RAB28: variants seen among roughly 807,000 people sequenced by gnomAD.
The protein encoded by RAB28 is RAB28, member RAS oncogene family.
Under a neutral mutation model 31.7 loss-of-function variants are expected in RAB28, and 24 were observed. The ratio of observed to expected loss-of-function variants is 0.76; its 90% CI spans 0.55 to 1.06. The LOEUF is 1.06. RAB28 is among the 50% of genes least tolerant of loss of function. The pLI, the probability that RAB28 is intolerant of heterozygous loss-of-function variation, is 0.00. For missense variants in RAB28, 254 were observed against 258.5 expected (o/e 0.98, Z 0.12); for synonymous variants, 100 against 90.4 (o/e 1.11, Z -0.60).
chr4:13,470,893 C>T (rs61798411), intron 3 of RAB28, among the ~76,000 whole-genome samples: 164 of 152,182 alleles, frequency 1.1e-3, no homozygotes, highest in Non-Finnish European at 2.2e-3. Flanking sequence ...CTATTGCTAA[C>T]ATTTAATGTT....
At chr4:13,372,408 C>T (rs941245976) in intron 6 of RAB28, among the ~76,000 whole-genome samples, 3 of 152,004 alleles carry the variant, frequency 2.0e-5, no homozygotes, top group African/African-American at 7.2e-5. Context: ...AAACATTGGG[C>T]AAGTTATTTC....
chr4:13,409,416 G>T (rs1256602139), intron 4 of RAB28, among the ~76,000 whole-genome samples: 1 of 152,152 alleles, frequency 6.6e-6, no homozygotes, highest in Non-Finnish European at 1.5e-5. Flanking sequence ...ACAAGAACTA[G>T]CAATGACAAA....
At chr4:13,412,603 A>G (rs1712505068) in intron 4 of RAB28, among the ~76,000 whole-genome samples, 1 of 152,076 alleles carries the variant, frequency 6.6e-6, no homozygotes, top group African/African-American at 2.4e-5. Flanking sequence ...TTGCTGCGGG[A>G]AAAAATTTAC....
chr4:13,456,353 A>G (rs1715297101), intron 4 of RAB28, among the ~76,000 whole-genome samples: 1 of 152,248 alleles, frequency 6.6e-6, no homozygotes, highest in African/African-American at 2.4e-5. Context: ...AGTTGAAGCT[A>G]TCTATGCTCA....
chr4:13,411,899 A>C (rs1000050279), intron 4 of RAB28, among the ~76,000 whole-genome samples: 10 of 152,040 alleles, frequency 6.6e-5, no homozygotes, highest in Admixed American at 2.0e-4. Flanking sequence ...AACCCACTTA[A>C]CAGGCAAAGA....
At chr4:13,379,410 A>C in intron 5 of RAB28, among the ~76,000 whole-genome samples, 1 of 151,990 alleles carries the variant, frequency 6.6e-6, no homozygotes, top group East Asian at 1.9e-4. Flanking sequence ...CTTGGTTTAA[A>C]CCAGAATTAA....
chr4:13,372,045 T>C (rs1252818297), intron 6 of RAB28, among the ~76,000 whole-genome samples: 1 of 152,076 alleles, frequency 6.6e-6, no homozygotes, highest in Non-Finnish European at 1.5e-5. Flanking sequence ...GCAAAAGCCA[T>C]AGTTTGTCAT....
At chr4:13,458,298 T>C (rs1715411138) in intron 4 of RAB28, among the ~76,000 whole-genome samples, 1 of 151,830 alleles carries the variant, frequency 6.6e-6, no homozygotes, top group Non-Finnish European at 1.5e-5. Context: ...TGTGTCATCA[T>C]GGTTTTAAAT....
chr4:13,479,470 AGTTT>A lies in RAB28; in HGVS notation c.128_131del (p.Gln43LeufsTer2), dbSNP rs779288863. 1.2e-6 allele frequency: 2 copies of A among 1,609,462 alleles called. No homozygotes were observed. Among genetic ancestry groups the A allele is most frequent in the Non-Finnish European group, 1.7e-6 (2 of 1,176,916 alleles). On this transcript the variant is annotated frameshift_variant, in exon 2 of 7. Transcript: ENST00000330852. LOFTEE classifies it high-confidence loss of function. ...TTCTCAAAAAGAAATCCAGTCCTATAGTTTGTTTGTACTGTTTCCCAAAAGTTTC... is the reference window on the plus strand; with the variant it reads ...TTCTCAAAAAGAAATCCAGTCCTATAGTTTGTACTGTTTCCCAAAAGTTTC...
chr4:13,415,534 C>T (rs868008829), intron 4 of RAB28, among the ~76,000 whole-genome samples: 3 of 152,230 alleles, frequency 2.0e-5, no homozygotes, highest in African/African-American at 7.2e-5. Context: ...AGCTTAGCAC[C>T]CAGGCCAGTG....
At chr4:13,443,554 G>T (rs1027532619) in intron 4 of RAB28, among the ~76,000 whole-genome samples, 1 of 152,056 alleles carries the variant, frequency 6.6e-6, no homozygotes, top group Non-Finnish European at 1.5e-5. Context: ...CTTTATTAAG[G>T]TATAATTGAC....
At chr4:13,458,119 A>C (rs1309644585) in intron 4 of RAB28, among the ~76,000 whole-genome samples, 1 of 152,182 alleles carries the variant, frequency 6.6e-6, no homozygotes, top group East Asian at 1.9e-4. Flanking sequence ...AATTAAAAAG[A>C]ATCATTTGCA....
At chr4:13,454,992 AG>A (rs1461403469) in intron 4 of RAB28, among the ~76,000 whole-genome samples, 1 of 152,222 alleles carries the variant, frequency 6.6e-6, no homozygotes, top group Non-Finnish European at 1.5e-5. Context: ...GTTGTTTCTC[AG>A]ACCCAGAATA....
rs531342854 is a variant in RAB28, at chr4:13,404,198, G to T, written c.392-22604C>A. On this transcript the variant is annotated intron_variant, in intron 4 of 6. Transcript: ENST00000330852. Reference sequence around the variant, plus strand: ...GTTTGAGACCAGCCTGACCAACATGGAGAAACCCCATCTCCACTAAAAATA... The same window carrying T: ...GTTTGAGACCAGCCTGACCAACATGTAGAAACCCCATCTCCACTAAAAATA... Among the ~76,000 whole-genome samples, 24 of 152,216 alleles carry T rather than the reference G, an allele frequency of 1.6e-4. No homozygotes were observed. The South Asian group carries it at 2.3e-3, about 14-fold the overall frequency.
intron 4 of RAB28, among the ~76,000 whole-genome samples, chr4:13,406,719 T>C (rs899380433): frequency 2.6e-5 from 4 of 152,244 alleles, no homozygotes; most frequent in African/African-American, 7.2e-5. Context: ...TGGTATCTCA[T>C]TGTGGTTTTG....
intron 4 of RAB28, among the ~76,000 whole-genome samples, chr4:13,446,859 G>C (rs966322163): frequency 1.4e-4 from 21 of 152,236 alleles, no homozygotes; most frequent in African/African-American, 4.8e-4. Flanking sequence ...ATATCCAACT[G>C]CTTACTAAAC....
intron 4 of RAB28, among the ~76,000 whole-genome samples, chr4:13,407,421 G>A (rs935973568): frequency 6.6e-6 from 1 of 152,104 alleles, no homozygotes; most frequent in Admixed American, 6.6e-5. Context: ...CCCGTAGTAG[G>A]ATTTGAAGTC....
At chr4:13,460,938 T>C in intron 3 of RAB28, 110 bp from the exon 4 acceptor site, 1 of 999,610 alleles carries the variant, frequency 1.0e-6, no homozygotes, top group Non-Finnish European at 1.5e-6. Context: ...AAAATACAAA[T>C]GTGTAGTGTT....
intron 4 of RAB28, among the ~76,000 whole-genome samples, chr4:13,384,897 T>C (rs1438393868): frequency 1.3e-5 from 2 of 152,062 alleles, no homozygotes; most frequent in African/African-American, 2.4e-5. Context: ...GAATTCAGAA[T>C]ATGGATAGAA....
Sources: gnomAD v4.1 joint callset for allele counts (sites outside exome capture counted in the v4.1 genomes callset) on GRCh38, gnomAD v4.1.1 for gene constraint, MANE v1.5 for transcripts, NCBI Gene and HGNC (gene_info 2026-07-23, HGNC 2026-07-21) for gene names.